Variants in USP6 observed in about 807,000 individuals in gnomAD.
The protein encoded by USP6 is ubiquitin specific peptidase 6.
A neutral mutation model predicts 175.7 loss-of-function variants in USP6; 128 were observed. The ratio of observed to expected loss-of-function variants is 0.73; its 90% confidence interval spans 0.63 to 0.84. USP6 has a LOEUF of 0.84. Ranked by LOEUF, USP6 falls within the 40% of genes least tolerant of loss-of-function variation. USP6 has a pLI of 0.00. For synonymous variants in USP6, 562 were observed against 630.6 expected, an observed-to-expected ratio of 0.89 and a Z score of 1.63; for missense variants, 1,498 against 1,760.3, an observed-to-expected ratio of 0.85 and a Z score of 2.67.
At chr17:5,172,392 G>A (rs1205443709) in intron 37 of USP6, among the ~76,000 whole-genome samples, 1 of 148,572 alleles carries the variant, frequency 6.7e-6, no homozygotes, top group Non-Finnish European at 1.5e-5. Flanking sequence ...TTAGCCAGAT[G>A]TGGTGGCACA....
intron 4 of USP6, chr17:5,123,121 G>T: frequency 6.5e-6 from 1 of 154,120 alleles, no homozygotes; most frequent in South Asian, 1.8e-4. Context: ...GCCGTCAGAG[G>T]GGCGGCGGCA....
rs3194107 is a variant in USP6 at position 5,174,184 on chromosome 17, C to T, written c.*1206C>T. The stretch of plus-strand genomic sequence containing the variant: ...TGTTTCTTTGCTTACTTCATTTTTT[C>T]CCTCTAATTATTTAAGATTGGAACA... On this transcript the variant is annotated 3_prime_UTR_variant, in exon 38 of 38. Transcript: ENST00000574788. 1 of 194,694 alleles carries T rather than the reference C, an allele frequency of 5.1e-6. No individual in the cohort carries two copies. Among genetic ancestry groups the T allele is most frequent in the Non-Finnish European group, 1.1e-5 (1 of 93,348 alleles). The allele number at this position is 194,694 out of a possible 1,614,324, so 12.1% of individuals were successfully genotyped here.
Position 5,155,622 on chromosome 17 carries a change from C to G in USP6, c.2828+16C>G. ...CCCAGGATCGGTGAGTTCAGGGGATCCATCTAAACCTGTGGTTTCCAAACT... is the reference window on the plus strand; with the variant it reads ...CCCAGGATCGGTGAGTTCAGGGGATGCATCTAAACCTGTGGTTTCCAAACT... On this transcript the variant is annotated intron_variant, in intron 31 of 37. Transcript: ENST00000574788. The G allele has an allele frequency of 6.2e-7, 1 of 1,600,960 alleles. No homozygotes were observed. The highest frequency in any genetic ancestry group is 8.5e-7 in the Non-Finnish European group (1 of 1,173,990).
At chr17:5,122,688 A>C (rs1369104920) in intron 4 of USP6, among the ~76,000 whole-genome samples, 1 of 152,152 alleles carries the variant, frequency 6.6e-6, no homozygotes, top group Admixed American at 6.5e-5. Context: ...GAACAAAAGC[A>C]GCTGCCCGCG....
chr17:5,170,692 G>A lies in USP6; in HGVS notation c.3731G>A (p.Ser1244Asn), dbSNP rs2144183343. The part of the protein sequence containing the change: ...GQICELADAL[S>N]RGHMRGGSQP... Reference sequence around the variant, plus strand: ...ATCTGTGAGCTGGCTGACGCCTTGAGCCGAGGGCATATGCGGGGGGGCAGC... The same window carrying A: ...ATCTGTGAGCTGGCTGACGCCTTGAACCGAGGGCATATGCGGGGGGGCAGC... The change falls in exon 36 of 38, where the codon AGC becomes AAC. Residue 1244 changes from serine to asparagine, a missense_variant. This residue lies in a region of USP6 where 1,217 missense variants were observed against 1,500.8 expected (regional missense o/e 0.81). Transcript: ENST00000574788. The A allele has an allele frequency of 6.2e-7, 1 of 1,613,992 alleles. No homozygotes were observed. Among genetic ancestry groups the A allele is most frequent in the Non-Finnish European group, 8.5e-7 (1 of 1,179,872 alleles).
At chr17:5,146,597 A>C (rs1365944213) in intron 28 of USP6, among the ~76,000 whole-genome samples, 2 of 152,198 alleles carry the variant, frequency 1.3e-5, no homozygotes, top group Admixed American at 1.3e-4. Context: ...TAACACACTA[A>C]GAAATTAAGA....
At chr17:5,167,083 T>C (rs149581233) in intron 33 of USP6, among the ~76,000 whole-genome samples, 13,190 of 152,278 alleles carry the variant, frequency 0.087, 721 homozygotes, top group East Asian at 0.17. Context: ...GATAACTCTG[T>C]GTTACATGGG....
chr17:5,149,453 T>C lies in USP6; in HGVS notation c.2643+686T>C, dbSNP rs570716841. ...AACAAAGTATCTCCTAAGCCAGACA[T>C]GTTTAGGAGGATCCCTTGAGGACAG... is the stretch of plus-strand genomic sequence containing the variant. On this transcript the variant is annotated intron_variant, in intron 30 of 37. Coordinates refer to ENST00000574788, the MANE Select transcript of USP6 (RefSeq NM_001304284.2). 2.4e-4 allele frequency among the ~76,000 whole-genome samples: 36 copies of C among 152,142 alleles called. No individual in the cohort carries two copies. The South Asian group carries it at 7.5e-3, about 32-fold the overall frequency.
Position 5,168,930 on chromosome 17 carries a change from C to G in USP6, c.3392C>G (p.Ser1131Cys), listed in dbSNP as rs770443614. The G allele has an allele frequency of 1.9e-6, 3 of 1,614,008 alleles. No individual in the cohort carries two copies. In the East Asian group the frequency reaches 6.7e-5, roughly 36 times the overall value. ...KPLTPQGDEL[S>C]KPRILAREVK... Reference sequence around the variant, plus strand: ...CTCACACCCCAGGGGGATGAGCTCTCCAAGCCCAGGATTCTGGCAAGAGAG... The same window carrying G: ...CTCACACCCCAGGGGGATGAGCTCTGCAAGCCCAGGATTCTGGCAAGAGAG... Residue 1131 changes from serine (S) to cysteine (C), a missense_variant, in exon 35 of 38, where the codon TCC becomes TGC. Coordinates refer to ENST00000574788, the MANE Select transcript of USP6 (RefSeq NM_001304284.2).
chr17:5,161,417 T>C, intron 31 of USP6, 111 bp from the exon 32 acceptor site: 1 of 1,075,894 alleles, frequency 9.3e-7, no homozygotes, highest in Non-Finnish European at 1.4e-6. Context: ...AACATGAGCA[T>C]ACTGCTGTGG....
At chr17:5,137,100 C>T (rs549094178) in intron 18 of USP6, 21 bp from the exon 19 acceptor site, 2 of 1,613,056 alleles carry the variant, frequency 1.2e-6, no homozygotes, top group Non-Finnish European at 1.7e-6. Flanking sequence ...GGGCCCTGAG[C>T]ACCTCTGTTC....
At position 5,132,680 on chromosome 17, in the gene USP6, G is replaced by T. The variant is rs1401251105; in HGVS notation, c.196-230G>T. ...GCTTGTGTCAGGACCCCACCTAGAGGCTGGGACCTAAGACTGGTGTGTCTG... is the reference window on the plus strand; with the variant it reads ...GCTTGTGTCAGGACCCCACCTAGAGTCTGGGACCTAAGACTGGTGTGTCTG... On this transcript the variant is annotated intron_variant, in intron 12 of 37. Transcript: ENST00000574788. This position sits in a 1 kb window ranked among gnomAD's most constrained non-coding sequence, Gnocchi z 4.7. Among the ~76,000 whole-genome samples the T allele has an allele frequency of 6.6e-6, 1 of 152,182 alleles. No homozygotes were observed. Among genetic ancestry groups the T allele is most frequent in the African/African-American group, 2.4e-5 (1 of 41,444 alleles).
intron 30 of USP6, among the ~76,000 whole-genome samples, chr17:5,151,711 GAT>G (rs958506453): frequency 1.3e-5 from 2 of 152,130 alleles, no homozygotes; most frequent in Non-Finnish European, 2.9e-5. Context: ...ATGAACACCT[GAT>G]TTATAACAAA....
intron 22 of USP6, among the ~76,000 whole-genome samples, chr17:5,140,119 T>A (rs2073400112): frequency 6.6e-6 from 1 of 151,870 alleles, no homozygotes; most frequent in Non-Finnish European, 1.5e-5. Flanking sequence ...GTCTTTAAAC[T>A]CATGGAAGGA....
In USP6 at chr17:5,116,039, T is replaced by C. The variant is rs919747617; in HGVS notation, c.-2629T>C. On this transcript the variant is annotated 5_prime_UTR_variant, in exon 1 of 38. Coordinates refer to ENST00000574788, the MANE Select transcript of USP6 (RefSeq NM_001304284.2). ...ACGGAGGCCAGGCAGAGGGGACAGC[T>C]AGCGGCGCGGCGGGACGGGCGGGCC... Among the ~76,000 whole-genome samples, 15 of 152,198 alleles carry C rather than the reference T, an allele frequency of 9.9e-5. No individual in the cohort carries two copies. The highest frequency in any genetic ancestry group is 3.6e-4 in the African/African-American group (15 of 41,462).
In USP6 at chr17:5,148,306, G is replaced by A. The variant is rs2073667891; in HGVS notation, c.2432-250G>A. On this transcript the variant is annotated intron_variant, in intron 29 of 37. Coordinates refer to ENST00000574788, the MANE Select transcript of USP6 (RefSeq NM_001304284.2). The stretch of plus-strand genomic sequence containing the variant: ...GTGCTACAACATGGTGCTGATACAG[G>A]TTTCTGCAAAAATTCTGCTTAATAG... Among the ~76,000 whole-genome samples the A allele has an allele frequency of 5.3e-5, 8 of 152,160 alleles. No homozygotes were observed. The South Asian group carries it at 1.7e-3, about 31-fold the overall frequency.
Position 5,132,155 on chromosome 17 carries a change from C to T in USP6, c.156-241C>T. 6 of 1,455,670 alleles carry T rather than the reference C, an allele frequency of 4.1e-6. No individual in the cohort carries two copies. Among genetic ancestry groups the T allele is most frequent in the Non-Finnish European group, 5.5e-6 (6 of 1,086,024 alleles). The allele number at this position is 1,455,670 out of a possible 1,614,324, so 90.2% of individuals were successfully genotyped here. The stretch of plus-strand genomic sequence containing the variant: ...GCCCCACTGTGGCCTGACCACCCCC[C>T]ATGCCAGGGGCCCCAGTAACCCCAG... On this transcript the variant is annotated intron_variant, in intron 11 of 37. Coordinates refer to ENST00000574788, the MANE Select transcript of USP6 (RefSeq NM_001304284.2). The surrounding 1 kb of genome is among the most constrained non-coding windows in gnomAD (Gnocchi z 4.7).
chr17:5,123,384 CCGGCGTGGCGTGGCGTGGCG>C (rs1567768999), intron 4 of USP6, among the ~76,000 whole-genome samples: 1 of 151,716 alleles, frequency 6.6e-6, no homozygotes, highest in African/African-American at 2.4e-5. Flanking sequence ...CTCAGCAGGC[CCGGCGTGGCGTGGCGTGGCG>C]CGGCGGGGCC....
chr17:5,141,622 TC>T, intron 23 of USP6, 123 bp downstream of exon 23: 1 of 832,170 alleles, frequency 1.2e-6, no homozygotes, highest in Non-Finnish European at 1.8e-6. Flanking sequence ...CCCTTCTTTT[TC>T]TTTTTTCCTG....
Sources: allele counts gnomAD v4.1 joint callset (sites outside exome capture counted in the v4.1 genomes callset), GRCh38; gene constraint gnomAD v4.1.1; regional missense constraint gnomAD v4.1.1; non-coding constraint Gnocchi (gnomAD v3.1); transcripts MANE v1.5; gene names NCBI Gene and HGNC (gene_info 2026-07-23, HGNC 2026-07-21).